EPM2A: variants seen among roughly 807,000 people sequenced by gnomAD.
EPM2A encodes the protein EPM2A glucan phosphatase, laforin, also known as laforin.
In EPM2A, 21 loss-of-function variants were observed where a neutral mutation model predicts 26.5. The observed-to-expected ratio is 0.79, with a 90% CI of 0.56 to 1.14. The LOEUF (loss-of-function observed/expected upper bound fraction) is 1.14. Among genes scored for constraint, EPM2A ranks in the 50% most tolerant of loss-of-function variants. The probability of loss-of-function intolerance (pLI) is 0.00; values close to 1 mark genes in which losing one functional copy is unlikely to be tolerated. For missense variants in EPM2A, 458 were observed against 440.8 expected, an observed-to-expected ratio of 1.04 and a Z score of -0.35; for synonymous variants, 217 against 177.6, an observed-to-expected ratio of 1.22 and a Z score of -1.76.
chr6:145,708,784 C>T lies in EPM2A; in HGVS notation c.302-22488G>A, dbSNP rs149003366. On this transcript the variant is annotated intron_variant, in intron 1 of 3. Transcript: ENST00000367519. ...CCTAATGGAGCTGTTAGAAGAGGGC[C>T]ACAAACCTCTAGACCTCAGAATGCT... Among the ~76,000 whole-genome samples, 21 of 152,144 alleles carry T rather than the reference C, an allele frequency of 1.4e-4. No individual in the cohort carries two copies. In the East Asian group the frequency reaches 4.1e-3, roughly 29 times the overall value.
chr6:145,648,071 A>C (rs141570020), intron 2 of EPM2A, among the ~76,000 whole-genome samples: 1 of 152,160 alleles, frequency 6.6e-6, no homozygotes, highest in Non-Finnish European at 1.5e-5. Flanking sequence ...GGTAATTTCT[A>C]TTCTATGTGT....
chr6:145,551,403 A>T (rs1780653902), intron 2 of EPM2A, among the ~76,000 whole-genome samples: 1 of 152,060 alleles, frequency 6.6e-6, no homozygotes. Flanking sequence ...AGTACACAGG[A>T]AGCAGTAGAA....
intron 4 of EPM2A, among the ~76,000 whole-genome samples, chr6:145,387,797 T>C (rs1352807037): frequency 1.3e-5 from 2 of 151,824 alleles, no homozygotes; most frequent in East Asian, 3.9e-4. Context: ...TCACCGTAGA[T>C]GAGATAAGAG....
intron 2 of EPM2A, among the ~76,000 whole-genome samples, chr6:145,537,939 T>G (rs1645911712): frequency 6.6e-6 from 1 of 152,206 alleles, no homozygotes; most frequent in African/African-American, 2.4e-5. Flanking sequence ...ATCTCATTGT[T>G]TTTTATGGCT....
At chr6:145,539,939 G>A (rs1780484184) in intron 2 of EPM2A, among the ~76,000 whole-genome samples, 1 of 152,030 alleles carries the variant, frequency 6.6e-6, no homozygotes, top group African/African-American at 2.4e-5. Flanking sequence ...AACATCCCAG[G>A]GCCAGGGATT....
chr6:145,448,877 G>T (rs550088957), intron 4 of EPM2A, among the ~76,000 whole-genome samples: 1 of 129,400 alleles, frequency 7.7e-6, no homozygotes, highest in South Asian at 2.3e-4. Context: ...TCTCTTAGTT[G>T]TTTAACTTAT....
At chr6:145,597,387 A>G (rs958127262) in intron 2 of EPM2A, among the ~76,000 whole-genome samples, 2 of 151,998 alleles carry the variant, frequency 1.3e-5, no homozygotes, top group Non-Finnish European at 2.9e-5. Context: ...CCAATAGAAG[A>G]TTGCTTCATT....
intron 1 of EPM2A, 88 bp downstream of exon 1, chr6:145,735,110 G>A (rs1776771414): frequency 4.1e-6 from 4 of 986,826 alleles, no homozygotes; most frequent in Non-Finnish European, 5.6e-6. Flanking sequence ...GCCGGGGCCT[G>A]CGGGGCCTGC....
chr6:145,450,133 C>T (rs1480119979), intron 4 of EPM2A, among the ~76,000 whole-genome samples: 1 of 151,876 alleles, frequency 6.6e-6, no homozygotes, highest in Non-Finnish European at 1.5e-5. Flanking sequence ...GTGGGCAGAT[C>T]ATGAGGTCAG....
At chr6:145,534,795 A>T (rs1219951897) in intron 2 of EPM2A, among the ~76,000 whole-genome samples, 1 of 152,334 alleles carries the variant, frequency 6.6e-6, no homozygotes, top group South Asian at 2.1e-4. Context: ...TCCCTCATAA[A>T]GCGTCATTTG....
At chr6:145,418,446 A>G (rs1031188524) in intron 4 of EPM2A, among the ~76,000 whole-genome samples, 2 of 152,166 alleles carry the variant, frequency 1.3e-5, no homozygotes, top group Non-Finnish European at 2.9e-5. Flanking sequence ...GCTGGAAAAG[A>G]GAATCTCTGC....
chr6:145,453,945 C>T (rs915698660), intron 4 of EPM2A, among the ~76,000 whole-genome samples: 6 of 152,062 alleles, frequency 3.9e-5, no homozygotes, highest in Admixed American at 6.6e-5. Flanking sequence ...GTGTGTCTAA[C>T]GCATATATTT....
rs538966650 is a variant in EPM2A at position 145,579,510 on chromosome 6, C to T, written c.340+55735G>A. On this transcript the variant is annotated intron_variant, in intron 2 of 3. Coordinates refer to the EPM2A transcript ENST00000450221. ...TATCTGAAATTAACATAGCTACTAC[C>T]ACTTACTTTTACAGGTTTCTTTGAA... Among the ~76,000 whole-genome samples the T allele has an allele frequency of 5.3e-4, 81 of 152,266 alleles. 1 individual carries two copies. The South Asian group carries it at 0.017, about 32-fold the overall frequency.
rs201996253 is a variant in EPM2A, at chr6:145,445,681, GT to G, written c.555+56840del. ...GACAGTTCTGACCTTTTGTTTGTTT[GT>G]TTTTTTGGAGAAGTGAGCTTTCAAA... On this transcript the variant is annotated intron_variant, in intron 4 of 4. Coordinates refer to the EPM2A transcript ENST00000638717. 7.0e-3 allele frequency among the ~76,000 whole-genome samples: 1,060 copies of G among 152,100 alleles called. 7 individuals carry two copies. Among genetic ancestry groups the G allele is most frequent in the African/African-American group, 0.025 (1,022 of 41,484 alleles).
At chr6:145,487,348 A>G (rs1779691736) in intron 4 of EPM2A, among the ~76,000 whole-genome samples, 1 of 152,104 alleles carries the variant, frequency 6.6e-6, no homozygotes, top group Non-Finnish European at 1.5e-5. Flanking sequence ...GTTCCTTTGT[A>G]TACATACCCA....
intron 2 of EPM2A, among the ~76,000 whole-genome samples, chr6:145,604,480 C>A (rs952406): frequency 0.47 from 71,191 of 151,872 alleles, 17,463 homozygotes; most frequent in African/African-American, 0.6. Flanking sequence ...TATAAATGCA[C>A]ATTTTATATT....
chr6:145,676,326 A>G (rs937505072), intron 2 of EPM2A, among the ~76,000 whole-genome samples: 5 of 152,246 alleles, frequency 3.3e-5, no homozygotes, highest in African/African-American at 7.2e-5. Context: ...AGAAAGCAGA[A>G]AGATATAAAA....
intron 2 of EPM2A, among the ~76,000 whole-genome samples, chr6:145,664,734 C>T (rs557672975): frequency 2.6e-4 from 39 of 152,188 alleles, no homozygotes; most frequent in African/African-American, 7.9e-4. Context: ...CACACCATAC[C>T]TATTCCAAAA....
intron 2 of EPM2A, among the ~76,000 whole-genome samples, chr6:145,531,464 C>T (rs969524287): frequency 3.3e-5 from 5 of 152,170 alleles, no homozygotes; most frequent in Admixed American, 2.0e-4. Context: ...TGACAAATTT[C>T]AATCAGCTGT....
Sources: allele counts gnomAD v4.1 joint callset (sites outside exome capture counted in the v4.1 genomes callset), GRCh38; gene constraint gnomAD v4.1.1; transcripts MANE v1.5; gene names NCBI Gene and HGNC (gene_info 2026-07-23, HGNC 2026-07-21).